The following RIPOR3 variants were observed in gnomAD, a reference collection of about 807,000 sequenced individuals.
RIPOR3 encodes the protein family with sequence similarity 65 member C.
In RIPOR3, 95 loss-of-function variants were observed where a neutral mutation model predicts 114.3. The ratio of observed to expected loss-of-function variants is 0.83; its 90% CI spans 0.70 to 0.99. RIPOR3 has a LOEUF of 0.99. Among genes scored for constraint, RIPOR3 ranks in the 50% least tolerant of loss-of-function variants. The probability of loss-of-function intolerance (pLI) is 0.00; values close to 1 mark genes in which losing one functional copy is unlikely to be tolerated. For missense variants in RIPOR3, 1,252 were observed against 1,266.9 expected (o/e 0.99, Z 0.18); for synonymous variants, 575 against 543.8 (o/e 1.06, Z -0.80).
intron 1 of RIPOR3, among the ~76,000 whole-genome samples, chr20:50,671,722 G>A (rs1182228965): frequency 2.0e-5 from 3 of 152,116 alleles, no homozygotes; most frequent in Non-Finnish European, 4.4e-5. Context: ...ATGGGTGGAT[G>A]GGTAGATGGG....
At position 50,611,006 on chromosome 20, in the gene RIPOR3, G is replaced by GT. The variant is rs1269274965; in HGVS notation, c.373-101_373-100insA. The GT allele has an allele frequency of 5.5e-6, 3 of 542,792 alleles. No homozygotes were observed. The East Asian group carries it at 1.4e-4, about 25-fold the overall frequency. 33.6% of individuals were successfully genotyped at this position (542,792 alleles called of 1,614,324 possible). A position where few individuals can be genotyped will look rare whatever the true frequency, so the allele number is the denominator to read the frequency against. On this transcript the variant is annotated intron_variant, in intron 5 of 21. Transcript: ENST00000327979. ...TCCTACAGGTCCTAACTCAGAGAAT[G>GT]GGGCCCCTCACCATCCCTGAGGAAG... is the stretch of plus-strand genomic sequence containing the variant.
chr20:50,605,833 C>T lies in RIPOR3; in HGVS notation c.957-1059G>A, dbSNP rs558625042. Among the ~76,000 whole-genome samples, 39 of 152,194 alleles carry T rather than the reference C, an allele frequency of 2.6e-4. No homozygotes were observed. In the South Asian group the frequency reaches 5.4e-3, roughly 21 times the overall value. On this transcript the variant is annotated intron_variant, in intron 11 of 21. Coordinates refer to ENST00000327979, the MANE Select transcript of RIPOR3 (RefSeq NM_001290268.2). ...TAAAACAGGAAATGGAGGCTTGGGC[C>T]TCCAAGTCCAGGGCCTTGCCCATGG... is the stretch of plus-strand genomic sequence containing the variant.
intron 1 of RIPOR3, 40 bp from the exon 2 acceptor site, chr20:50,630,896 T>A: frequency 6.6e-7 from 1 of 1,516,948 alleles, no homozygotes; most frequent in Non-Finnish European, 9.0e-7. Flanking sequence ...GGCATCACCA[T>A]CCAGCGAGTG....
intron 1 of RIPOR3, among the ~76,000 whole-genome samples, chr20:50,670,642 C>T (rs74851268): frequency 4.6e-5 from 7 of 152,264 alleles, no homozygotes; most frequent in South Asian, 2.1e-4. Flanking sequence ...TAGGCAGGCA[C>T]CACACCGTCC....
At chr20:50,587,408 CT>C in intron 21 of RIPOR3, 76 bp from the exon 22 acceptor site, 1 of 1,297,964 alleles carries the variant, frequency 7.7e-7, no homozygotes, top group Non-Finnish European at 1.1e-6. Flanking sequence ...CAGGGTGGCC[CT>C]AGTGCTTAGT....
intron 1 of RIPOR3, among the ~76,000 whole-genome samples, chr20:50,665,420 C>CTTTTTT (rs1220979095): frequency 6.5e-5 from 3 of 45,814 alleles, no homozygotes; most frequent in Admixed American, 6.3e-4. Context: ...GCCCCCTCTT[C>CTTTTTT]CTTTTTTTTT....
At chr20:50,676,984 A>T (rs561762953) in intron 1 of RIPOR3, among the ~76,000 whole-genome samples, 2 of 152,312 alleles carry the variant, frequency 1.3e-5, no homozygotes, top group South Asian at 4.1e-4. Context: ...CAATGTCTGG[A>T]AGGATGCTCA....
intron 2 of RIPOR3, among the ~76,000 whole-genome samples, chr20:50,622,518 C>T (rs750296085): frequency 3.3e-5 from 5 of 152,130 alleles, no homozygotes; most frequent in Non-Finnish European, 5.9e-5. Context: ...TGGCCCTTCT[C>T]TTCCAACTCC....
At chr20:50,649,730 AC>A (rs2123389324) in intron 1 of RIPOR3, among the ~76,000 whole-genome samples, 1 of 152,288 alleles carries the variant, frequency 6.6e-6, no homozygotes, top group East Asian at 1.9e-4. Context: ...CATTTGGATG[AC>A]CCAATGGGGT....
Position 50,611,084 on chromosome 20 carries a change from GT to G in RIPOR3, c.372+96del. Reference sequence around the variant, plus strand: ...TTCCTAAAATGGGGAGGAGACCCAGGTTTTCTGCCCATCAGGCAGCCAGGAA... The same window carrying G: ...TTCCTAAAATGGGGAGGAGACCCAGGTTTCTGCCCATCAGGCAGCCAGGAA... On this transcript the variant is annotated intron_variant, in intron 5 of 21. Transcript: ENST00000327979. The G allele has an allele frequency of 1.9e-6, 3 of 1,596,194 alleles. No homozygotes were observed. In the South Asian group the frequency reaches 3.3e-5, roughly 18 times the overall value.
At chr20:50,658,158 C>T (rs1340920330) in intron 1 of RIPOR3, among the ~76,000 whole-genome samples, 2 of 152,232 alleles carry the variant, frequency 1.3e-5, no homozygotes, top group South Asian at 4.1e-4. Context: ...TATTCATAGC[C>T]ACATTATTCA....
intron 14 of RIPOR3, 125 bp from the exon 15 acceptor site, chr20:50,596,388 A>C (rs2122914945): frequency 7.4e-7 from 1 of 1,350,048 alleles, no homozygotes; most frequent in Non-Finnish European, 1.0e-6. Context: ...CAGGAAGTTC[A>C]ACTGAAGAGG....
At chr20:50,611,340 C>T in intron 4 of RIPOR3, 136 bp from the exon 5 acceptor site, 1 of 1,100,450 alleles carries the variant, frequency 9.1e-7, no homozygotes. Context: ...CACCCCCACC[C>T]ACTCCTTCCT....
chr20:50,597,601 A>C lies in RIPOR3; in HGVS notation c.1769T>G (p.Phe590Cys). 6.2e-7 allele frequency: 1 copy of C among 1,609,230 alleles called. No individual in the cohort carries two copies. Among genetic ancestry groups the C allele is most frequent in the Admixed American group, 1.7e-5 (1 of 59,448 alleles). ...ADFALDELSL[F>C]GGSQGLRKDR... ...TCACCGGAGACCCTGGGAGCCCCCA[A>C]ACAGGGACAGCTCATCCAGGGCGAA... Residue 590 changes from phenylalanine to cysteine, a missense_variant, in exon 14 of 22, where the codon TTT (phenylalanine) becomes TGT (cysteine). Phe to Cys is a radical substitution (Grantham distance 205). Transcript: ENST00000327979.
At chr20:50,626,918 G>T (rs2084640009) in intron 2 of RIPOR3, among the ~76,000 whole-genome samples, 1 of 151,740 alleles carries the variant, frequency 6.6e-6, no homozygotes, top group Non-Finnish European at 1.5e-5. Flanking sequence ...GGAGGCTGAG[G>T]CAGGAGAATC....
In RIPOR3 at chr20:50,630,759, C is replaced by T. The variant is rs781638491; in HGVS notation, c.101G>A (p.Ser34Asn). ...GRSASFAGFS[S>N]AQSRRIAKSI... ...TTACGCGATCCTCCGGCTCTGTGCA[C>T]TGCTGAAGCCTGCGAAGGAGGCGCT... The change falls in exon 2 of 22, where the codon AGT becomes AAT. Residue 34 changes from serine to asparagine, a missense_variant. Coordinates refer to ENST00000327979, the MANE Select transcript of RIPOR3 (RefSeq NM_001290268.2). 1 of 1,611,968 alleles carries T rather than the reference C, an allele frequency of 6.2e-7. No individual in the cohort carries two copies. Among genetic ancestry groups the T allele is most frequent in the South Asian group, 1.1e-5 (1 of 90,732 alleles).
intron 1 of RIPOR3, among the ~76,000 whole-genome samples, chr20:50,661,725 G>A (rs1161830368): frequency 6.6e-6 from 1 of 152,206 alleles, no homozygotes; most frequent in Non-Finnish European, 1.5e-5. Context: ...GTGAAGCCAG[G>A]ACTCCTGAGT....
At chr20:50,681,224 C>CAAAA (rs752151661) in intron 1 of RIPOR3, among the ~76,000 whole-genome samples, 57 of 45,350 alleles carry the variant, frequency 1.3e-3, no homozygotes, top group East Asian at 6.7e-3. Flanking sequence ...AACTCTGTCT[C>CAAAA]AAAAAAAAAA....
At chr20:50,634,363 CCCT>C (rs1472831210) in intron 1 of RIPOR3, among the ~76,000 whole-genome samples, 1 of 152,076 alleles carries the variant, frequency 6.6e-6, no homozygotes, top group Non-Finnish European at 1.5e-5. Context: ...CCTGGCTAAA[CCCT>C]CCTCATCTTT....
Sources: allele counts gnomAD v4.1 joint callset (sites outside exome capture counted in the v4.1 genomes callset), GRCh38; gene constraint gnomAD v4.1.1; transcripts MANE v1.5; gene names NCBI Gene and HGNC (gene_info 2026-07-23, HGNC 2026-07-21).